DCAF10: variants seen among roughly 807,000 people sequenced by gnomAD.
DCAF10 encodes the protein DDB1- and CUL4-associated factor 10.
A neutral mutation model predicts 51.9 loss-of-function variants in DCAF10; 19 were observed. The ratio of observed to expected loss-of-function variants is 0.37; its 90% CI spans 0.26 to 0.54. DCAF10 has a LOEUF of 0.54. Ranked by LOEUF, DCAF10 falls within the 20% of genes least tolerant of loss-of-function variation. The probability of loss-of-function intolerance (pLI) is 0.87; values close to 1 mark genes in which losing one functional copy is unlikely to be tolerated. For missense variants in DCAF10, 510 were observed against 730.6 expected (o/e 0.70, Z 3.48); for synonymous variants, 291 against 297.1 (o/e 0.98, Z 0.21).
Position 37,829,054 on chromosome 9 carries a change from A to G in DCAF10, c.653+9653A>G, listed in dbSNP as rs1829934890. The stretch of plus-strand genomic sequence containing the variant: ...TCATAATAATGTGAGAAGATAGGCT[A>G]TAGTTGGTGGGAGAAGGTATTTTCA... On this transcript the variant is annotated intron_variant, in intron 2 of 6. Transcript: ENST00000377724. This position sits in a 1 kb window ranked among gnomAD's most constrained non-coding sequence, Gnocchi z 4.2. Among the ~76,000 whole-genome samples, 1 of 152,238 alleles carries G rather than the reference A, an allele frequency of 6.6e-6. No homozygotes were observed. Among genetic ancestry groups the G allele is most frequent in the Admixed American group, 6.5e-5 (1 of 15,284 alleles).
chr9:37,838,096 A>G (rs1187148914), intron 2 of DCAF10, among the ~76,000 whole-genome samples: 3 of 152,206 alleles, frequency 2.0e-5, no homozygotes, highest in African/African-American at 7.2e-5. Flanking sequence ...TATGTGGAAA[A>G]TATATGCAAT....
intron 1 of DCAF10, 90 bp from the exon 2 acceptor site, chr9:37,819,198 C>T: frequency 1.0e-6 from 1 of 996,766 alleles, no homozygotes; most frequent in Non-Finnish European, 1.5e-6. Context: ...AAGTTATTTA[C>T]CTATAGCTTG....
chr9:37,854,665 A>G (rs1444863859), intron 3 of DCAF10, 115 bp from the exon 4 acceptor site: 1 of 916,760 alleles, frequency 1.1e-6, no homozygotes, highest in African/African-American at 1.7e-5. Context: ...GAGCCCATTG[A>G]CCAAGCTCTT....
rs1235507944 is a variant in DCAF10 at position 37,863,687 on chromosome 9, G to A, written c.*2179G>A. On this transcript the variant is annotated 3_prime_UTR_variant, in exon 7 of 7. Coordinates refer to ENST00000377724, the MANE Select transcript of DCAF10 (RefSeq NM_024345.5). ...AAACTGGCCAATAGATTTTAGAAAG[G>A]CAGGCATGGGAGTAGATGCTGAGAA... The A allele has an allele frequency of 6.6e-6, 1 of 152,144 alleles. No homozygotes were observed. Among genetic ancestry groups the A allele is most frequent in the Non-Finnish European group, 1.5e-5 (1 of 68,020 alleles). 9.4% of individuals were successfully genotyped at this position (152,144 alleles called of 1,614,324 possible).
chr9:37,800,971 C>T lies in DCAF10; in HGVS notation c.105C>T (p.Pro35=). ...GGCAGGCAGCAGCCACCGGGCCGCC[C>T]TCGCCACTACATCCCGGGGCTGATG... ...HEGQAAATGP[P]SPLHPGADAT... Residue 35 remains proline, a synonymous_variant, in exon 1 of 7, where the codon CCC becomes CCT. Coordinates refer to ENST00000377724, the MANE Select transcript of DCAF10 (RefSeq NM_024345.5). 3 of 1,517,242 alleles carry T rather than the reference C, an allele frequency of 2.0e-6. No individual in the cohort carries two copies. The highest frequency in any genetic ancestry group is 2.6e-6 in the Non-Finnish European group (3 of 1,141,488). 94.0% of individuals were successfully genotyped at this position (1,517,242 alleles called of 1,614,324 possible).
rs985966743 is a variant in DCAF10, at chr9:37,800,909, G to A, written c.43G>A (p.Ala15Thr). ...CCATAGCCCTGGAGGGGACGGATCGGCCGGAGCCGGGGCTGAGGAGCCGAC... is the reference window on the plus strand; with the variant it reads ...CCATAGCCCTGGAGGGGACGGATCGACCGGAGCCGGGGCTGAGGAGCCGAC... ...GPHSPGGDGS[A>T]GAGAEEPTPH... is the part of the protein sequence containing the mutation. Residue 15 changes from alanine to threonine, a missense_variant, in exon 1 of 7, where the codon GCC becomes ACC. Coordinates refer to ENST00000377724, the MANE Select transcript of DCAF10 (RefSeq NM_024345.5). 1.7e-5 allele frequency: 26 copies of A among 1,495,792 alleles called. No homozygotes were observed. The highest frequency in any genetic ancestry group is 2.2e-5 in the Non-Finnish European group (25 of 1,130,174). The allele number at this position is 1,495,792 out of a possible 1,614,324, so 92.7% of individuals were successfully genotyped here.
chr9:37,800,841 C>A lies in DCAF10; in HGVS notation c.-26C>A, dbSNP rs535237594. The A allele has an allele frequency of 2.1e-3, 3,194 of 1,486,106 alleles. 9 individuals are homozygous for A. The highest frequency in any genetic ancestry group is 2.7e-3 in the Non-Finnish European group (3,024 of 1,124,724). The allele number at this position is 1,486,106 out of a possible 1,614,324, so 92.1% of individuals were successfully genotyped here. Reference sequence around the variant, plus strand: ...GGTGTCGGCCGGCGGGGCAGTGGCCCGGAGCGGGGGGCGGGGGCGTTGATC... The same window carrying A: ...GGTGTCGGCCGGCGGGGCAGTGGCCAGGAGCGGGGGGCGGGGGCGTTGATC... On this transcript the variant is annotated 5_prime_UTR_variant, in exon 1 of 7. Coordinates refer to ENST00000377724, the MANE Select transcript of DCAF10 (RefSeq NM_024345.5).
At position 37,854,993 on chromosome 9, in the gene DCAF10, C is replaced by CT. The variant is rs771946233; in HGVS notation, c.1054+17dup. 8 of 1,584,756 alleles carry CT rather than the reference C, an allele frequency of 5.0e-6. No homozygotes were observed. In the African/African-American group the frequency reaches 8.2e-5, roughly 16 times the overall value. On this transcript the variant is annotated intron_variant, in intron 4 of 6. Transcript: ENST00000377724. ...CTACTTCAAGTTCAGGTAAGCTTTT[C>CT]TTTTTTGGTCAAAAAGATTTTTCTC...
chr9:37,836,040 C>T, intron 2 of DCAF10: 1 of 1,084,366 alleles, frequency 9.2e-7, no homozygotes, highest in South Asian at 1.2e-5. Flanking sequence ...TCCGCGCCGC[C>T]ACGGTAAGGC....
At chr9:37,803,606 A>T (rs1487480935) in intron 1 of DCAF10, among the ~76,000 whole-genome samples, 2 of 150,650 alleles carry the variant, frequency 1.3e-5, no homozygotes, top group Non-Finnish European at 2.9e-5. Context: ...TTTCATGTTT[A>T]TCAGGGTGAT....
rs183696867 is a variant in DCAF10, at chr9:37,812,792, G to A, written c.540-6496G>A. Among the ~76,000 whole-genome samples, 24 of 152,112 alleles carry A rather than the reference G, an allele frequency of 1.6e-4. No individual in the cohort carries two copies. The East Asian group carries it at 4.6e-3, about 29-fold the overall frequency. The stretch of plus-strand genomic sequence containing the variant: ...GGGACCACAGGCACACGCCAGCATG[G>A]CTGGCTAATTTTTTTATTTTTTGTA... On this transcript the variant is annotated intron_variant, in intron 1 of 6. Coordinates refer to ENST00000377724, the MANE Select transcript of DCAF10 (RefSeq NM_024345.5).
rs1829958385 is a variant in DCAF10, at chr9:37,829,879, T to G, written c.653+10478T>G. Among the ~76,000 whole-genome samples the G allele has an allele frequency of 6.6e-6, 1 of 152,026 alleles. No individual in the cohort carries two copies. The highest frequency in any genetic ancestry group is 1.5e-5 in the Non-Finnish European group (1 of 67,996). On this transcript the variant is annotated intron_variant, in intron 2 of 6. Transcript: ENST00000377724. The surrounding 1 kb of genome is among the most constrained non-coding windows in gnomAD (Gnocchi z 4.2). The stretch of plus-strand genomic sequence containing the variant: ...AAAATTAGCCAGGTGTAGTTGCACG[T>G]GCCTATAGTCCCAGCTACTTAGAAA...
intron 2 of DCAF10, among the ~76,000 whole-genome samples, chr9:37,819,619 T>C (rs940387130): frequency 5.3e-5 from 8 of 152,364 alleles, no homozygotes; most frequent in African/African-American, 1.7e-4. Flanking sequence ...CATTTCTAAC[T>C]TCTATATAAT....
At position 37,865,108 on chromosome 9, in the gene DCAF10, C is replaced by T. The variant is rs1831110662; in HGVS notation, c.*3600C>T. 1 of 150,956 alleles carries T rather than the reference C, an allele frequency of 6.6e-6. No individual in the cohort carries two copies. Among genetic ancestry groups the T allele is most frequent in the Non-Finnish European group, 1.5e-5 (1 of 67,870 alleles). The allele number at this position is 150,956 out of a possible 1,614,324, so 9.4% of individuals were successfully genotyped here. ...TTTTTTAATTATAGAGCTAGCTTAC[C>T]GTGTGTATCATGTAAAAAAAATTCA... On this transcript the variant is annotated 3_prime_UTR_variant, in exon 7 of 7. Transcript: ENST00000377724.
chr9:37,842,794 T>G (rs1411640611), intron 3 of DCAF10, among the ~76,000 whole-genome samples: 1 of 152,214 alleles, frequency 6.6e-6, no homozygotes, highest in African/African-American at 2.4e-5. Context: ...CCAGAGTTTC[T>G]AAACCTCCTG....
Position 37,867,097 on chromosome 9 carries a change from A to C in DCAF10, c.*5589A>C, listed in dbSNP as rs1316614645. 1 of 152,190 alleles carries C rather than the reference A, an allele frequency of 6.6e-6. No individual in the cohort carries two copies. Among genetic ancestry groups the C allele is most frequent in the Non-Finnish European group, 1.5e-5 (1 of 68,032 alleles). The allele number at this position is 152,190 out of a possible 1,614,324, so 9.4% of individuals were successfully genotyped here. On this transcript the variant is annotated 3_prime_UTR_variant, in exon 7 of 7. Coordinates refer to ENST00000377724, the MANE Select transcript of DCAF10 (RefSeq NM_024345.5). ...AAGAATTTCTCCCATTCAAATGATAATGGAAATTACTGTCAAAAGGAAAAT... is the reference window on the plus strand; with the variant it reads ...AAGAATTTCTCCCATTCAAATGATACTGGAAATTACTGTCAAAAGGAAAAT...
At chr9:37,848,408 T>A (rs142298127) in intron 3 of DCAF10, among the ~76,000 whole-genome samples, 132 of 152,342 alleles carry the variant, frequency 8.7e-4, no homozygotes, top group African/African-American at 3.0e-3. Context: ...AAATAATTGA[T>A]ACATGCTATG....
intron 3 of DCAF10, among the ~76,000 whole-genome samples, chr9:37,854,393 C>T (rs1468969394): frequency 1.3e-5 from 2 of 152,136 alleles, no homozygotes; most frequent in Non-Finnish European, 1.5e-5. Flanking sequence ...CAGGCATGAG[C>T]CACCATGCCT....
chr9:37,816,789 T>A (rs959503100), intron 1 of DCAF10, among the ~76,000 whole-genome samples: 2 of 152,032 alleles, frequency 1.3e-5, no homozygotes, highest in Non-Finnish European at 2.9e-5. Flanking sequence ...TGTGGGAAAA[T>A]GTGCATATTA....
Sources: gnomAD v4.1 joint callset for allele counts (sites outside exome capture counted in the v4.1 genomes callset) on GRCh38, gnomAD v4.1.1 for gene constraint, Gnocchi (gnomAD v3.1) non-coding constraint, MANE v1.5 for transcripts, NCBI Gene and HGNC (gene_info 2026-07-23, HGNC 2026-07-21) for gene names.